GSS: variants seen among roughly 807,000 people sequenced by gnomAD.
GSS encodes the protein glutathione synthetase, also known as GSH synthetase.
A neutral mutation model predicts 60.4 loss-of-function variants in GSS; 34 were observed. That is an observed-to-expected ratio of 0.56 (90% CI 0.43 to 0.75). The LOEUF is 0.75. GSS is among the 30% of genes least tolerant of loss of function. The pLI is 0.00. For synonymous variants in GSS, 224 were observed against 239.0 expected (o/e 0.94, Z 0.58); for missense variants, 499 against 595.1 (o/e 0.84, Z 1.68).
chr20:34,933,975 G>A (rs1228614462), intron 9 of GSS: 5 of 151,892 alleles, frequency 3.3e-5, no homozygotes, highest in African/African-American at 7.3e-5. Flanking sequence ...TCAGGAGTTC[G>A]AGACCAGCCT....
intron 9 of GSS, among the ~76,000 whole-genome samples, chr20:34,934,719 G>T (rs2147124227): frequency 6.6e-6 from 1 of 152,224 alleles, no homozygotes; most frequent in East Asian, 1.9e-4. Context: ...AACCCTCGGG[G>T]GGAGTCCTAG....
In GSS at chr20:34,933,462, A is replaced by G. The variant is rs2081417810; in HGVS notation, c.835-1329T>C. 1.9e-5 allele frequency: 3 copies of G among 153,908 alleles called. 1 individual carries two copies. The highest frequency in any genetic ancestry group is 3.4e-3 in the Middle Eastern group (1 of 294). 9.5% of individuals were successfully genotyped at this position (153,908 alleles called of 1,614,324 possible). ...GTTTATTACCACAAGAGCTGAGGGT[A>G]TAAAAGGCAAGGAAACAGCAGGGGA... On this transcript the variant is annotated intron_variant, in intron 9 of 12. Transcript: ENST00000651619.
chr20:34,942,370 T>C (rs1305448646), intron 5 of GSS, 118 bp downstream of exon 5: 1 of 951,716 alleles, frequency 1.1e-6, no homozygotes, highest in African/African-American at 1.6e-5. Context: ...AGGGGCAACA[T>C]GTGACCCGGG....
chr20:34,929,992 G>C (rs2081388593), intron 11 of GSS, among the ~76,000 whole-genome samples: 1 of 152,078 alleles, frequency 6.6e-6, no homozygotes, highest in Non-Finnish European at 1.5e-5. Context: ...TTCCGGCCGG[G>C]CATGGTGGCT....
At chr20:34,938,261 C>T (rs990796833) in intron 6 of GSS, among the ~76,000 whole-genome samples, 1 of 152,178 alleles carries the variant, frequency 6.6e-6, no homozygotes. Context: ...GTGTGTATTC[C>T]CTGACCTCCT....
At position 34,928,715 on chromosome 20, in the gene GSS, G is replaced by T; in HGVS notation, c.*113C>A. ...GATGGAAAGCTGGGGGAAGGTACCA[G>T]TATTTACCCTTCCATAAAAACTTTG... On this transcript the variant is annotated 3_prime_UTR_variant, in exon 13 of 13. Coordinates refer to ENST00000651619, the MANE Select transcript of GSS (RefSeq NM_000178.4). 1 of 1,189,846 alleles carries T rather than the reference G, an allele frequency of 8.4e-7. No homozygotes were observed. Among genetic ancestry groups the T allele is most frequent in the Non-Finnish European group, 1.2e-6 (1 of 811,468 alleles). 73.7% of individuals were successfully genotyped at this position (1,189,846 alleles called of 1,614,324 possible).
chr20:34,954,462 G>A (rs1487523432), intron 1 of GSS: 2 of 153,222 alleles, frequency 1.3e-5, no homozygotes, highest in African/African-American at 2.4e-5. Context: ...GCTGAGGCAG[G>A]AGAATAGCTT....
In GSS at chr20:34,936,806, T is replaced by C. The variant is rs748395784; in HGVS notation, c.724A>G (p.Ile242Val). The change falls in exon 8 of 13, where the codon ATC becomes GTC. Residue 242 changes from isoleucine (I) to valine (V), a missense_variant. Ile to Val is a conservative substitution (Grantham distance 29). Coordinates refer to ENST00000651619, the MANE Select transcript of GSS (RefSeq NM_000178.4). ...TGGTCCAGAGACCCCTTTTCAGAGA[T>C]ATCTTCAAATGTTCGTCGGATCACA... The part of the protein sequence containing the change: ...IHVIRRTFED[I>V]SEKGSLDQDR... The C allele has an allele frequency of 2.5e-6, 4 of 1,614,106 alleles. No homozygotes were observed. Among genetic ancestry groups the C allele is most frequent in the Non-Finnish European group, 3.4e-6 (4 of 1,179,998 alleles).
At chr20:34,954,099 TTAGAG>T (rs1446615581) in intron 1 of GSS, among the ~76,000 whole-genome samples, 14 of 152,304 alleles carry the variant, frequency 9.2e-5, no homozygotes, top group African/African-American at 2.4e-4. Flanking sequence ...TACCTTGACA[TTAGAG>T]TAATGAAACC....
rs748780943 is a variant in GSS, at chr20:34,942,605, C to T, written c.374G>A (p.Arg125His). 15 of 1,614,024 alleles carry T rather than the reference C, an allele frequency of 9.3e-6. No individual in the cohort carries two copies. Among genetic ancestry groups the T allele is most frequent in the South Asian group, 2.2e-5 (2 of 91,084 alleles). The change falls in exon 5 of 13, where the codon CGC (arginine) becomes CAC (histidine). Residue 125 changes from arginine (R) to histidine (H), a missense_variant. Physicochemically the swap from Arg to His is conservative, Grantham distance 29. Coordinates refer to ENST00000651619, the MANE Select transcript of GSS (RefSeq NM_000178.4). The stretch of plus-strand genomic sequence containing the variant: ...GCTGCGCTGGAACATGTAGTCTGAG[C>T]GATTCAGGCCCAGGAACACAGTCTG... The part of the protein sequence containing the change: ...IAQTVFLGLN[R>H]SDYMFQRSAD...
At chr20:34,934,177 C>CA (rs1177763858) in intron 9 of GSS, 185 of 130,018 alleles carry the variant, frequency 1.4e-3, no homozygotes, top group Middle Eastern at 4.0e-3. Flanking sequence ...AACTCTGTCT[C>CA]AAAAAAAAAA....
At chr20:34,952,000 A>G (rs1054382116) in intron 1 of GSS, 140 bp from the exon 2 acceptor site, 8 of 812,442 alleles carry the variant, frequency 9.8e-6, no homozygotes, top group Middle Eastern at 2.8e-4. Flanking sequence ...AGGAGTGAAC[A>G]CTGGCTGGTT....
chr20:34,932,715 A>G (rs1042782712), intron 9 of GSS, among the ~76,000 whole-genome samples: 2 of 152,174 alleles, frequency 1.3e-5, no homozygotes, highest in African/African-American at 2.4e-5. Context: ...TGGATTTCCC[A>G]TAATTCTCTT....
Position 34,943,010 on chromosome 20 carries a change from G to A in GSS, c.276-4C>T. ...AAAGTCATCCTGTTTGATGGTGCTG[G>A]AGGAAGAAACAGAGAACATTTTGCA... is the stretch of plus-strand genomic sequence containing the variant. On this transcript the variant is annotated splice_polypyrimidine_tract_variant and splice_region_variant and intron_variant, in intron 3 of 12. Coordinates refer to ENST00000651619, the MANE Select transcript of GSS (RefSeq NM_000178.4). The A allele has an allele frequency of 6.2e-7, 1 of 1,605,378 alleles. No homozygotes were observed.
intron 9 of GSS, among the ~76,000 whole-genome samples, chr20:34,935,108 G>A (rs964368787): frequency 6.6e-6 from 1 of 152,174 alleles, no homozygotes. Flanking sequence ...GTGGTTGTGA[G>A]GGTTAAATGA....
chr20:34,940,036 T>G (rs2081470632), intron 6 of GSS, among the ~76,000 whole-genome samples: 1 of 152,182 alleles, frequency 6.6e-6, no homozygotes, highest in African/African-American at 2.4e-5. Flanking sequence ...TTCAGATCCA[T>G]GATCTCATTT....
chr20:34,931,338 C>T lies in GSS; in HGVS notation c.1109G>A (p.Gly370Glu). ...RFVLKPQREG[G>E]GNNLYGEEMV... ...CCTGCAAAGGGAGATCCACCTACCT[C>T]CACCCTCTCTCTGGGGCTTTAGCAC... The change falls in exon 11 of 13, where the codon GGA becomes GAA. Residue 370 changes from glycine (G) to glutamate (E), a missense_variant and splice_region_variant. Transcript: ENST00000651619. 6.2e-7 allele frequency: 1 copy of T among 1,613,164 alleles called. No individual in the cohort carries two copies. Among genetic ancestry groups the T allele is most frequent in the South Asian group, 1.1e-5 (1 of 91,066 alleles).
At chr20:34,930,543 T>C (rs1479400281) in intron 11 of GSS, among the ~76,000 whole-genome samples, 2 of 152,166 alleles carry the variant, frequency 1.3e-5, no homozygotes, top group East Asian at 1.9e-4. Flanking sequence ...GTTGCTCTTC[T>C]GAACAACTGT....
chr20:34,946,354 G>C (rs1039632253), intron 2 of GSS, among the ~76,000 whole-genome samples: 3 of 152,098 alleles, frequency 2.0e-5, no homozygotes, highest in Non-Finnish European at 4.4e-5. Context: ...AAACCCACAA[G>C]TTATTGAGCA....
Sources: allele counts gnomAD v4.1 joint callset (sites outside exome capture counted in the v4.1 genomes callset), GRCh38; gene constraint gnomAD v4.1.1; transcripts MANE v1.5; gene names NCBI Gene and HGNC (gene_info 2026-07-23, HGNC 2026-07-21).